Variants in WDR70 observed in about 807,000 individuals in gnomAD.
The protein encoded by WDR70 is WD repeat-containing protein 70.
Under a neutral mutation model 88.6 loss-of-function variants are expected in WDR70, and 53 were observed. The ratio of observed to expected loss-of-function variants is 0.60; its 90% CI spans 0.48 to 0.75. The LOEUF (loss-of-function observed/expected upper bound fraction) is 0.75. Ranked by LOEUF, WDR70 falls within the 30% of genes least tolerant of loss-of-function variation. WDR70 has a pLI of 0.00. For synonymous variants in WDR70, 280 were observed against 270.0 expected, an observed-to-expected ratio of 1.04 and a Z score of -0.36; for missense variants, 610 against 823.2, an observed-to-expected ratio of 0.74 and a Z score of 3.17.
intron 9 of WDR70, among the ~76,000 whole-genome samples, chr5:37,524,193 T>G (rs1346437276): frequency 6.6e-6 from 1 of 151,886 alleles, no homozygotes; most frequent in African/African-American, 2.4e-5. Context: ...TTCACCAAAG[T>G]TGAAATGAAG....
At chr5:37,647,229 A>G (rs2112552883) in intron 10 of WDR70, among the ~76,000 whole-genome samples, 1 of 152,240 alleles carries the variant, frequency 6.6e-6, no homozygotes, top group African/African-American at 2.4e-5. Context: ...AATTATCTCA[A>G]TCTGATTGTT....
At chr5:37,439,943 T>A (rs1344764806) in intron 6 of WDR70, among the ~76,000 whole-genome samples, 1 of 152,078 alleles carries the variant, frequency 6.6e-6, no homozygotes, top group East Asian at 1.9e-4. Context: ...TCTTTCTGAA[T>A]GTGCACACAT....
At chr5:37,396,134 GCTGT>G (rs935868543) in intron 4 of WDR70, among the ~76,000 whole-genome samples, 64 of 152,158 alleles carry the variant, frequency 4.2e-4, no homozygotes, top group African/African-American at 1.4e-3. Flanking sequence ...TGGTCTAATG[GCTGT>G]CTAACATATA....
intron 7 of WDR70, among the ~76,000 whole-genome samples, chr5:37,475,164 C>T (rs569431284): frequency 6.6e-6 from 1 of 151,514 alleles, no homozygotes; most frequent in South Asian, 2.1e-4. Context: ...AAGTGATCCA[C>T]CTGCCTTGGC....
At chr5:37,563,003 C>G (rs1220995093) in intron 9 of WDR70, among the ~76,000 whole-genome samples, 1 of 141,182 alleles carries the variant, frequency 7.1e-6, no homozygotes, top group Non-Finnish European at 1.6e-5. Flanking sequence ...AGAGGGGCTC[C>G]TCACTTCCCA....
chr5:37,573,196 A>G lies in WDR70; in HGVS notation c.918-31868A>G, dbSNP rs921299334. On this transcript the variant is annotated intron_variant, in intron 9 of 17. Coordinates refer to ENST00000265107, the MANE Select transcript of WDR70 (RefSeq NM_018034.4). ...CCTGTAATTTTTTTCTTCTGCTTTG[A>G]AAGTTCAGGTTTCCCGTCTTGCCTT... is the stretch of plus-strand genomic sequence containing the variant. Among the ~76,000 whole-genome samples, 5 of 152,176 alleles carry G rather than the reference A, an allele frequency of 3.3e-5. No individual in the cohort carries two copies. In the South Asian group the frequency reaches 8.3e-4, roughly 25 times the overall value.
At chr5:37,523,997 C>T (rs534134708) in intron 9 of WDR70, among the ~76,000 whole-genome samples, 29 of 152,272 alleles carry the variant, frequency 1.9e-4, no homozygotes, top group Admixed American at 1.0e-3. Context: ...ACCAAATCTA[C>T]GTCTGATTGG....
At chr5:37,638,983 A>AT (rs1482785918) in intron 10 of WDR70, among the ~76,000 whole-genome samples, 4 of 152,218 alleles carry the variant, frequency 2.6e-5, no homozygotes, top group Non-Finnish European at 5.9e-5. Flanking sequence ...GATTAAATAG[A>AT]TTTTTTAAGC....
At chr5:37,630,039 A>G (rs2112522369) in intron 10 of WDR70, among the ~76,000 whole-genome samples, 1 of 152,300 alleles carries the variant, frequency 6.6e-6, no homozygotes, top group African/African-American at 2.4e-5. Flanking sequence ...ACCGTAATCC[A>G]TACTGGGGGC....
At chr5:37,423,325 G>GT (rs1369072939) in intron 5 of WDR70, among the ~76,000 whole-genome samples, 1 of 150,636 alleles carries the variant, frequency 6.6e-6, no homozygotes, top group Non-Finnish European at 1.5e-5. Flanking sequence ...AGTTACTGTG[G>GT]TGGAGTGTTC....
intron 10 of WDR70, among the ~76,000 whole-genome samples, chr5:37,645,440 C>A (rs1350131499): frequency 6.6e-6 from 1 of 151,808 alleles, no homozygotes; most frequent in African/African-American, 2.4e-5. Flanking sequence ...AAAAGCATAT[C>A]TGTTCTGCAG....
rs72738784 is a variant in WDR70, at chr5:37,575,093, G to A, written c.918-29971G>A. ...TCTTACTCATCTCTGTGTCCACAGC[G>A]CCCAGAACACTATCTGGTACAGAGT... On this transcript the variant is annotated intron_variant, in intron 9 of 17. Transcript: ENST00000265107. Among the ~76,000 whole-genome samples the A allele has an allele frequency of 1.5e-3, 223 of 152,230 alleles. 1 individual carries two copies. The highest frequency in any genetic ancestry group is 4.2e-3 in the South Asian group (20 of 4,812).
At chr5:37,622,206 C>G (rs1744526411) in intron 10 of WDR70, among the ~76,000 whole-genome samples, 1 of 152,090 alleles carries the variant, frequency 6.6e-6, no homozygotes, top group African/African-American at 2.4e-5. Flanking sequence ...CATCTCTCAC[C>G]AGTTAGAATG....
At chr5:37,602,974 T>TAA (rs895914016) in intron 9 of WDR70, among the ~76,000 whole-genome samples, 1 of 150,262 alleles carries the variant, frequency 6.7e-6, no homozygotes, top group Admixed American at 6.6e-5. Flanking sequence ...GAGACTGTCT[T>TAA]AAAAAAAAAT....
At position 37,414,900 on chromosome 5, in the gene WDR70, T is replaced by G. The variant is rs1749649060; in HGVS notation, c.492+18330T>G. Among the ~76,000 whole-genome samples the G allele has an allele frequency of 2.7e-5, 4 of 147,738 alleles. No homozygotes were observed. The South Asian group carries it at 8.4e-4, about 31-fold the overall frequency. ...GCAGATAAACAAGTGAACAAAGGTC[T>G]CTGGTTTTCCTAGGCAGAGGACCCT... On this transcript the variant is annotated intron_variant, in intron 5 of 17. Coordinates refer to ENST00000265107, the MANE Select transcript of WDR70 (RefSeq NM_018034.4).
intron 17 of WDR70, among the ~76,000 whole-genome samples, chr5:37,736,609 T>C (rs902176507): frequency 2.3e-5 from 3 of 130,328 alleles, no homozygotes; most frequent in African/African-American, 8.7e-5. Context: ...GAGCGGTGTA[T>C]GTAGTTTTTT....
At chr5:37,600,150 A>G (rs561722939) in intron 9 of WDR70, among the ~76,000 whole-genome samples, 37 of 152,320 alleles carry the variant, frequency 2.4e-4, no homozygotes, top group Non-Finnish European at 4.0e-4. Context: ...AAGAAAGTGA[A>G]AAGAAAGATA....
intron 7 of WDR70, among the ~76,000 whole-genome samples, chr5:37,453,773 A>C (rs1738747913): frequency 1.3e-5 from 2 of 152,288 alleles, no homozygotes; most frequent in African/African-American, 2.4e-5. Flanking sequence ...ACTGTCATCA[A>C]GTTACATAAT....
intron 9 of WDR70, among the ~76,000 whole-genome samples, chr5:37,533,925 A>G (rs1741576092): frequency 6.6e-6 from 1 of 152,160 alleles, no homozygotes; most frequent in South Asian, 2.1e-4. Flanking sequence ...AACTTGCCCC[A>G]GACCGTGAAC....
Sources: allele counts gnomAD v4.1 joint callset (sites outside exome capture counted in the v4.1 genomes callset), GRCh38; gene constraint gnomAD v4.1.1; transcripts MANE v1.5; gene names NCBI Gene and HGNC (gene_info 2026-07-23, HGNC 2026-07-21).